TRHDE: variants seen among roughly 807,000 people sequenced by gnomAD.
The protein encoded by TRHDE is thyrotropin-releasing hormone-degrading ectoenzyme.
A neutral mutation model predicts 125.7 loss-of-function variants in TRHDE; 72 were observed. The ratio of observed to expected loss-of-function variants is 0.57; its 90% CI spans 0.47 to 0.70. TRHDE has a LOEUF of 0.70. Ranked by LOEUF, TRHDE falls within the 30% of genes least tolerant of loss-of-function variation. The pLI is 0.00. For missense variants in TRHDE, 1,110 were observed against 1,327.1 expected (o/e 0.84, Z 2.54); for synonymous variants, 509 against 509.1 (o/e 1.00, Z 0.00).
chr12:72,613,130 C>T (rs1243802799), intron 12 of TRHDE, among the ~76,000 whole-genome samples: 1 of 152,160 alleles, frequency 6.6e-6, no homozygotes, highest in Non-Finnish European at 1.5e-5. Context: ...TCTAAGCCTT[C>T]CATCAATCTA....
rs150311329 is a variant in TRHDE at position 72,372,706 on chromosome 12, G to A, written c.1189-5289G>A. The stretch of plus-strand genomic sequence containing the variant: ...TCAAAGATCAGATGGTTGTAGATAT[G>A]CGGCACTATTTCTGAGGGCTCTGTT... On this transcript the variant is annotated intron_variant, in intron 2 of 18. Coordinates refer to ENST00000261180, the MANE Select transcript of TRHDE (RefSeq NM_013381.3). 9.8e-3 allele frequency among the ~76,000 whole-genome samples: 1,497 copies of A among 152,254 alleles called. 26 individuals are homozygous for A. Among genetic ancestry groups the A allele is most frequent in the African/African-American group, 0.035 (1,447 of 41,530 alleles).
intron 3 of TRHDE, among the ~76,000 whole-genome samples, chr12:72,439,414 A>C (rs1874894792): frequency 6.6e-6 from 1 of 151,728 alleles, no homozygotes; most frequent in African/African-American, 2.4e-5. Context: ...AACAATATTA[A>C]CTCTTCCAAT....
chr12:72,448,835 CT>C lies in TRHDE; in HGVS notation c.1316-20912del, dbSNP rs77626321. On this transcript the variant is annotated intron_variant, in intron 3 of 18. Transcript: ENST00000261180. Reference sequence around the variant, plus strand: ...AGGTAATGGAAATTTTTTATTTTTACTTTTTTTTTTTGTATGTGTGGAAGAC... The same window carrying C: ...AGGTAATGGAAATTTTTTATTTTTACTTTTTTTTTTGTATGTGTGGAAGAC... Among the ~76,000 whole-genome samples the C allele has an allele frequency of 1.7e-3, 251 of 144,470 alleles. 1 individual carries two copies. Among genetic ancestry groups the C allele is most frequent in the African/African-American group, 3.5e-3 (138 of 39,842 alleles). The allele number at this position is 144,470 out of a possible 152,430, so 94.8% of individuals were successfully genotyped here. A position where few individuals can be genotyped will look rare whatever the true frequency, so the allele number is the denominator to read the frequency against.
chr12:72,150,070 T>C (rs1301324213), intron 2 of TRHDE, among the ~76,000 whole-genome samples: 1 of 152,166 alleles, frequency 6.6e-6, no homozygotes, highest in African/African-American at 2.4e-5. Context: ...TAGGTGCTGG[T>C]GAGGTAGTAG....
chr12:72,491,776 T>G (rs2135927037), intron 5 of TRHDE, among the ~76,000 whole-genome samples: 1 of 152,124 alleles, frequency 6.6e-6, no homozygotes, highest in Non-Finnish European at 1.5e-5. Context: ...GTTTATGCAC[T>G]GATTAAGGCA....
chr12:72,187,737 TG>T (rs1877256939), intron 2 of TRHDE, among the ~76,000 whole-genome samples: 1 of 152,214 alleles, frequency 6.6e-6, no homozygotes, highest in Non-Finnish European at 1.5e-5. Context: ...ACCAGCTATC[TG>T]GGCATCTTTT....
chr12:72,380,469 G>T (rs1001212072), intron 3 of TRHDE, among the ~76,000 whole-genome samples: 2 of 152,152 alleles, frequency 1.3e-5, no homozygotes, highest in African/African-American at 4.8e-5. Flanking sequence ...GCTTCATTAG[G>T]AAGATGGCTT....
At chr12:72,446,804 G>T (rs1875308616) in intron 3 of TRHDE, among the ~76,000 whole-genome samples, 1 of 152,122 alleles carries the variant, frequency 6.6e-6, no homozygotes, top group Non-Finnish European at 1.5e-5. Context: ...AATTCAACAA[G>T]AAGAGCTAAC....
intron 2 of TRHDE, among the ~76,000 whole-genome samples, chr12:72,198,932 G>GGAGAGAGAGAGAGA (rs111453106): frequency 1.4e-5 from 2 of 147,186 alleles, no homozygotes; most frequent in Non-Finnish European, 3.0e-5. Context: ...TGGTGAAGCA[G>GGAGAGAGAGAGAGA]GAGAGAGAGA....
At chr12:72,516,879 C>G (rs1347363648) in intron 6 of TRHDE, among the ~76,000 whole-genome samples, 1 of 152,178 alleles carries the variant, frequency 6.6e-6, no homozygotes, top group South Asian at 2.1e-4. Context: ...TGTCAAAGGC[C>G]TTTTCTGCAT....
At chr12:72,367,880 T>G (rs1214671673) in intron 2 of TRHDE, among the ~76,000 whole-genome samples, 1 of 152,220 alleles carries the variant, frequency 6.6e-6, no homozygotes, top group Non-Finnish European at 1.5e-5. Flanking sequence ...TCTGATGTAC[T>G]CTTGCAGCAT....
chr12:72,528,074 A>G (rs1287107069), intron 6 of TRHDE, among the ~76,000 whole-genome samples: 3 of 152,164 alleles, frequency 2.0e-5, no homozygotes, highest in African/African-American at 4.8e-5. Flanking sequence ...CATTCAGCCA[A>G]TTCCAGCCAT....
At chr12:72,311,774 C>A (rs538550588) in intron 2 of TRHDE, among the ~76,000 whole-genome samples, 1 of 152,010 alleles carries the variant, frequency 6.6e-6, no homozygotes, top group East Asian at 1.9e-4. Flanking sequence ...AAAAAACAGG[C>A]AAAATGGGCA....
intron 15 of TRHDE, among the ~76,000 whole-genome samples, chr12:72,622,666 T>G (rs1334060969): frequency 6.6e-6 from 1 of 152,086 alleles, no homozygotes; most frequent in Non-Finnish European, 1.5e-5. Flanking sequence ...TGGTTAAACT[T>G]AGAGAACCGC....
chr12:72,353,957 A>G (rs1011058609), intron 2 of TRHDE, among the ~76,000 whole-genome samples: 1 of 151,614 alleles, frequency 6.6e-6, no homozygotes, highest in Non-Finnish European at 1.5e-5. Context: ...AAGTCTCAAG[A>G]TGATGCACAT....
intron 3 of TRHDE, among the ~76,000 whole-genome samples, chr12:72,443,631 G>A (rs992295880): frequency 6.6e-6 from 1 of 151,664 alleles, no homozygotes; most frequent in Non-Finnish European, 1.5e-5. Flanking sequence ...GCATTAAGCT[G>A]TATCTATTTT....
intron 2 of TRHDE, among the ~76,000 whole-genome samples, chr12:72,357,453 T>G (rs1010047705): frequency 1.3e-5 from 2 of 151,608 alleles, no homozygotes; most frequent in African/African-American, 4.8e-5. Flanking sequence ...TAAGTGATAT[T>G]AAGCAATATT....
intron 2 of TRHDE, among the ~76,000 whole-genome samples, chr12:72,145,148 G>C (rs1004170212): frequency 6.6e-6 from 1 of 152,152 alleles, no homozygotes; most frequent in African/African-American, 2.4e-5. Flanking sequence ...CCCAAGTTGA[G>C]TTTCCATCAC....
At chr12:72,138,242 G>T (rs1406221551) in intron 2 of TRHDE, among the ~76,000 whole-genome samples, 3 of 152,090 alleles carry the variant, frequency 2.0e-5, no homozygotes, top group Non-Finnish European at 4.4e-5. Flanking sequence ...ACACGTGGTG[G>T]TACGCACCTG....
Sources: allele counts gnomAD v4.1 joint callset (sites outside exome capture counted in the v4.1 genomes callset), GRCh38; gene constraint gnomAD v4.1.1; transcripts MANE v1.5; gene names NCBI Gene and HGNC (gene_info 2026-07-23, HGNC 2026-07-21).